The following MYLK4 variants were observed in gnomAD, a reference collection of about 807,000 sequenced individuals.
MYLK4 encodes the protein myosin light chain kinase family member 4.
In MYLK4, 46 loss-of-function variants were observed where a neutral mutation model predicts 48.1. The observed-to-expected ratio is 0.96, with a 90% CI of 0.75 to 1.22. The LOEUF is 1.22. Ranked by LOEUF, MYLK4 falls within the 50% of genes most tolerant of loss-of-function variation. The pLI is 0.00. For synonymous variants in MYLK4, 170 were observed against 180.8 expected (o/e 0.94, Z 0.48); for missense variants, 451 against 486.1 (o/e 0.93, Z 0.68).
intron 2 of MYLK4, among the ~76,000 whole-genome samples, chr6:2,693,919 G>A (rs1247930604): frequency 6.6e-6 from 1 of 152,014 alleles, no homozygotes; most frequent in Admixed American, 6.5e-5. Context: ...CACCATGCCT[G>A]GCTAATTTTT....
At chr6:2,748,523 C>T (rs973012380) in intron 2 of MYLK4, among the ~76,000 whole-genome samples, 1 of 152,204 alleles carries the variant, frequency 6.6e-6, no homozygotes, top group East Asian at 1.9e-4. Context: ...AGATACTAGG[C>T]GGAGTGCTTT....
At chr6:2,743,208 A>G (rs1763958205) in intron 2 of MYLK4, among the ~76,000 whole-genome samples, 2 of 152,230 alleles carry the variant, frequency 1.3e-5, no homozygotes, top group South Asian at 4.1e-4. Flanking sequence ...ACCTTCAGAC[A>G]GGAACAATGA....
rs973109487 is a variant in MYLK4 at position 2,687,611 on chromosome 6, A to G, written c.341+1240T>C. On this transcript the variant is annotated intron_variant, in intron 4 of 12. Transcript: ENST00000274643. ...CCTCAGGCTTCCATGGAGCCAGTTC[A>G]TGCTGTGGAATTCCTGTTTCTCCCT... 9.8e-5 allele frequency among the ~76,000 whole-genome samples: 15 copies of G among 152,324 alleles called. No homozygotes were observed. The South Asian group carries it at 2.9e-3, about 29-fold the overall frequency.
chr6:2,681,827 A>G (rs1037883538), intron 7 of MYLK4, among the ~76,000 whole-genome samples: 1 of 152,210 alleles, frequency 6.6e-6, no homozygotes, highest in Non-Finnish European at 1.5e-5. Flanking sequence ...GAAGCCTCAT[A>G]TGGAGTCATT....
intron 2 of MYLK4, among the ~76,000 whole-genome samples, chr6:2,705,110 T>C (rs1582072156): frequency 6.6e-6 from 1 of 152,254 alleles, no homozygotes; most frequent in Non-Finnish European, 1.5e-5. Flanking sequence ...AGCAAAAATG[T>C]CTTTATAACA....
the MYLK4 span, among the ~76,000 whole-genome samples, chr6:2,767,046 T>C: frequency 6.6e-6 from 1 of 152,226 alleles, no homozygotes. Flanking sequence ...CTTTTTCATC[T>C]GCAAGTCATT....
chr6:2,691,986 G>A (rs1326242476), intron 3 of MYLK4, among the ~76,000 whole-genome samples: 2 of 152,128 alleles, frequency 1.3e-5, no homozygotes, highest in Non-Finnish European at 2.9e-5. Flanking sequence ...CCTACCTTTC[G>A]TGAAATTGGT....
intron 1 of MYLK4, among the ~76,000 whole-genome samples, chr6:2,749,678 C>A (rs6909727): frequency 1.4e-4 from 22 of 152,150 alleles, no homozygotes; most frequent in African/African-American, 5.3e-4. Flanking sequence ...TTGCACAAAA[C>A]AAGCCGTAGA....
At chr6:2,711,752 A>T (rs1762681564) in intron 2 of MYLK4, among the ~76,000 whole-genome samples, 1 of 152,224 alleles carries the variant, frequency 6.6e-6, no homozygotes, top group African/African-American at 2.4e-5. Flanking sequence ...GACATTATCC[A>T]TGAACTGAAA....
intron 2 of MYLK4, among the ~76,000 whole-genome samples, chr6:2,746,379 A>G (rs1014834517): frequency 2.0e-5 from 3 of 152,162 alleles, no homozygotes; most frequent in Non-Finnish European, 4.4e-5. Context: ...AGTAAAACAT[A>G]GAGGAAAGAA....
chr6:2,744,797 G>A (rs1283299438), intron 2 of MYLK4, among the ~76,000 whole-genome samples: 1 of 152,184 alleles, frequency 6.6e-6, no homozygotes, highest in African/African-American at 2.4e-5. Flanking sequence ...GTTGGGATAT[G>A]GAAGAACTTA....
At position 2,670,281 on chromosome 6, in the gene MYLK4, G is replaced by T. The variant is rs555000614; in HGVS notation, c.*25+995C>A. 1.3e-5 allele frequency among the ~76,000 whole-genome samples: 2 copies of T among 152,128 alleles called. 1 individual carries two copies. Among genetic ancestry groups the T allele is most frequent in the African/African-American group, 4.8e-5 (2 of 41,420 alleles). On this transcript the variant is annotated intron_variant, in intron 12 of 12. Coordinates refer to ENST00000274643, the MANE Select transcript of MYLK4 (RefSeq NM_001012418.5). ...CTCAGGATGCTGAGGCAGGAGAATCGCTTGAACCTGGGAGGTGGGGGTTGC... is the reference window on the plus strand; with the variant it reads ...CTCAGGATGCTGAGGCAGGAGAATCTCTTGAACCTGGGAGGTGGGGGTTGC...
At chr6:2,680,506 T>C (rs1403568872) in intron 7 of MYLK4, 12 of 985,344 alleles carry the variant, frequency 1.2e-5, no homozygotes, top group African/African-American at 1.7e-5. Context: ...GCCTGTCCTC[T>C]GCACGGCTTC....
intron 2 of MYLK4, among the ~76,000 whole-genome samples, chr6:2,747,780 CAAG>C (rs752988229): frequency 6.6e-6 from 1 of 152,100 alleles, no homozygotes; most frequent in African/African-American, 2.4e-5. Context: ...CAAAGTTCTC[CAAG>C]AAGAATATTT....
the MYLK4 span, among the ~76,000 whole-genome samples, chr6:2,757,758 T>A: frequency 6.6e-6 from 1 of 152,204 alleles, no homozygotes; most frequent in Non-Finnish European, 1.5e-5. Context: ...AATACAGAGA[T>A]CCATAGCTAA....
chr6:2,770,171 A>G, the MYLK4 span: 1 of 1,614,070 alleles, frequency 6.2e-7, no homozygotes, highest in Non-Finnish European at 8.5e-7. Flanking sequence ...GATTGGGGCA[A>G]CCACTGAAAA....
At position 2,749,223 on chromosome 6, in the gene MYLK4, A is replaced by G; in HGVS notation, c.72T>C (p.Phe24=). 1 of 1,614,144 alleles carries G rather than the reference A, an allele frequency of 6.2e-7. No homozygotes were observed. The highest frequency in any genetic ancestry group is 8.5e-7 in the Non-Finnish European group (1 of 1,180,004). The change falls in exon 2 of 13, where the codon TTT becomes TTC. Residue 24 remains phenylalanine, a synonymous_variant. Transcript: ENST00000274643. ...YNSNQLEKMA[F]FQCREEVEKV... ...TCTCCACCTCTTCCCTGCACTGAAA[A>G]AAGGCCATTTTCTCCAGCTGGTTGC...
the MYLK4 span, among the ~76,000 whole-genome samples, chr6:2,758,933 C>T: frequency 6.6e-6 from 1 of 152,158 alleles, no homozygotes; most frequent in African/African-American, 2.4e-5. Context: ...CACCAATGTG[C>T]ACACATGAAG....
chr6:2,718,993 C>T (rs925696275), intron 2 of MYLK4, among the ~76,000 whole-genome samples: 2 of 152,194 alleles, frequency 1.3e-5, no homozygotes, highest in Non-Finnish European at 2.9e-5. Context: ...TATCTGGACT[C>T]ACGATGTGGT....
Sources: gnomAD v4.1 joint callset for allele counts (sites outside exome capture counted in the v4.1 genomes callset) on GRCh38, gnomAD v4.1.1 for gene constraint, MANE v1.5 for transcripts, NCBI Gene and HGNC (gene_info 2026-07-23, HGNC 2026-07-21) for gene names.